SLC25A48: variants seen among roughly 807,000 people sequenced by gnomAD.
SLC25A48 encodes solute carrier family 25 member 48, also known as CTC-321K16.1.
SLC25A48 carries 29 observed loss-of-function variants against 32.2 expected under a neutral mutation model. That is an observed-to-expected ratio of 0.90 (90% confidence interval 0.67 to 1.23). SLC25A48 has a LOEUF of 1.23. Among genes scored for constraint, SLC25A48 ranks in the 50% most tolerant of loss-of-function variants. SLC25A48 has a pLI of 0.00. For synonymous variants in SLC25A48, 164 were observed against 172.3 expected, an observed-to-expected ratio of 0.95 and a Z score of 0.38; for missense variants, 399 against 422.7, an observed-to-expected ratio of 0.94 and a Z score of 0.49.
chr5:135,699,627 G>T (rs1754344980), intron 3 of SLC25A48, among the ~76,000 whole-genome samples: 1 of 152,216 alleles, frequency 6.6e-6, no homozygotes, highest in Non-Finnish European at 1.5e-5. Flanking sequence ...GAACACGTGA[G>T]ATCTGTGCAT....
At chr5:135,851,119 C>G (rs1759819760) in intron 3 of SLC25A48, among the ~76,000 whole-genome samples, 1 of 152,072 alleles carries the variant, frequency 6.6e-6, no homozygotes, top group Non-Finnish European at 1.5e-5. Context: ...CAGGTGGAAC[C>G]CTGTCGCAGC....
intron 1 of SLC25A48, among the ~76,000 whole-genome samples, chr5:135,591,838 GTCTC>G (rs1335008564): frequency 6.6e-6 from 1 of 152,114 alleles, no homozygotes; most frequent in Admixed American, 6.5e-5. Context: ...TCTCCTTTTA[GTCTC>G]TCTCTCCTTG....
At chr5:135,849,458 A>G (rs1580982832) in intron 2 of SLC25A48, among the ~76,000 whole-genome samples, 1 of 151,986 alleles carries the variant, frequency 6.6e-6, no homozygotes, top group Non-Finnish European at 1.5e-5. Context: ...GCTTACTCAG[A>G]CCCTCTATGC....
At chr5:135,795,200 C>T (rs11745326) in intron 3 of SLC25A48, among the ~76,000 whole-genome samples, 99,414 of 151,574 alleles carry the variant, frequency 0.66, 34,570 homozygotes, top group Non-Finnish European at 0.78. Flanking sequence ...TGTGGTATTA[C>T]TTCTCATATT....
At chr5:135,611,421 G>A (rs549402012) in intron 1 of SLC25A48, among the ~76,000 whole-genome samples, 3 of 144,746 alleles carry the variant, frequency 2.1e-5, no homozygotes, top group Non-Finnish European at 3.0e-5. Flanking sequence ...AGGCTGAGGC[G>A]GGAGAATGGA....
intron 4 of SLC25A48, among the ~76,000 whole-genome samples, chr5:135,869,815 C>T (rs78049462): frequency 5.9e-5 from 9 of 152,272 alleles, no homozygotes; most frequent in East Asian, 1.9e-4. Context: ...GCTACTACCC[C>T]GGCTCACCTC....
At chr5:135,886,688 G>C (rs1263025651) in intron 7 of SLC25A48, among the ~76,000 whole-genome samples, 44 of 141,294 alleles carry the variant, frequency 3.1e-4, no homozygotes, top group African/African-American at 6.4e-4. Context: ...GAGAGAGAGA[G>C]AGAGAGAGAG....
intron 3 of SLC25A48, among the ~76,000 whole-genome samples, chr5:135,659,224 A>G (rs146955654): frequency 0.024 from 3,560 of 151,376 alleles, 146 homozygotes; most frequent in African/African-American, 0.081. Flanking sequence ...CACATCTTGA[A>G]TGCTTTTCTG....
At chr5:135,753,092 G>T (rs1482999100) in intron 3 of SLC25A48, among the ~76,000 whole-genome samples, 1 of 151,936 alleles carries the variant, frequency 6.6e-6, no homozygotes, top group Non-Finnish European at 1.5e-5. Flanking sequence ...TATGATATTA[G>T]CAATAATTGC....
At chr5:135,850,945 T>G (rs1156401274) in intron 3 of SLC25A48, among the ~76,000 whole-genome samples, 1 of 152,186 alleles carries the variant, frequency 6.6e-6, no homozygotes, top group South Asian at 2.1e-4. Context: ...CCTGAGGTAT[T>G]CCTTTTCCGA....
At chr5:135,815,430 G>T (rs191259038) in intron 4 of SLC25A48, among the ~76,000 whole-genome samples, 1 of 152,292 alleles carries the variant, frequency 6.6e-6, no homozygotes, top group East Asian at 1.9e-4. Flanking sequence ...GTGTGGCCTG[G>T]TTCCTAAAAG....
At chr5:135,776,978 T>C (rs937959972) in intron 3 of SLC25A48, among the ~76,000 whole-genome samples, 9 of 151,798 alleles carry the variant, frequency 5.9e-5, no homozygotes, top group African/African-American at 2.2e-4. Flanking sequence ...GAGCATGATA[T>C]TACTGCCAAT....
At chr5:135,723,164 G>A (rs1201622025) in intron 3 of SLC25A48, among the ~76,000 whole-genome samples, 2 of 152,160 alleles carry the variant, frequency 1.3e-5, no homozygotes, top group Non-Finnish European at 2.9e-5. Flanking sequence ...AAAGTCTGGC[G>A]CCCCAGACTA....
chr5:135,654,823 C>G (rs1331309590), intron 3 of SLC25A48, among the ~76,000 whole-genome samples: 2 of 152,220 alleles, frequency 1.3e-5, no homozygotes, highest in African/African-American at 4.8e-5. Context: ...TGGCCTGCAG[C>G]ATCAGCTGCT....
intron 4 of SLC25A48, among the ~76,000 whole-genome samples, chr5:135,871,217 C>T (rs1761618663): frequency 6.6e-6 from 1 of 152,036 alleles, no homozygotes; most frequent in Non-Finnish European, 1.5e-5. Context: ...GTGGTATTGA[C>T]CTAAAGTAAC....
chr5:135,744,848 C>T (rs1370534829), intron 3 of SLC25A48, among the ~76,000 whole-genome samples: 2 of 151,954 alleles, frequency 1.3e-5, no homozygotes, highest in Admixed American at 1.3e-4. Flanking sequence ...TCAAGACCAG[C>T]CTGGCCAGCA....
chr5:135,644,869 A>G (rs900369015), intron 3 of SLC25A48, among the ~76,000 whole-genome samples: 20 of 152,292 alleles, frequency 1.3e-4, no homozygotes, highest in Middle Eastern at 6.8e-3. Context: ...CTTTCCACCA[A>G]GGCTTTCCAT....
Position 135,618,550 on chromosome 5 carries a change from T to C in SLC25A48, c.-848-10687T>C, listed in dbSNP as rs370412119. 1.7e-4 allele frequency among the ~76,000 whole-genome samples: 26 copies of C among 152,232 alleles called. 1 individual carries two copies. Among genetic ancestry groups the C allele is most frequent in the African/African-American group, 6.0e-4 (25 of 41,564 alleles). On this transcript the variant is annotated intron_variant, in intron 1 of 10. Transcript: ENST00000646290. ...TGATGGTGTTCTGTAGTGTTTACAT[T>C]TAAGTTTTTTCTTTTCTTTGTTTGT...
intron 4 of SLC25A48, among the ~76,000 whole-genome samples, chr5:135,817,737 C>G (rs972710735): frequency 2.0e-5 from 3 of 152,174 alleles, no homozygotes; most frequent in African/African-American, 7.2e-5. Flanking sequence ...CAAGGCACAA[C>G]CTGGGAGAAA....
Sources: gnomAD v4.1 joint callset for allele counts (sites outside exome capture counted in the v4.1 genomes callset) on GRCh38, gnomAD v4.1.1 for gene constraint, MANE v1.5 for transcripts, NCBI Gene and HGNC (gene_info 2026-07-23, HGNC 2026-07-21) for gene names.